CAST: variants seen among roughly 807,000 people sequenced by gnomAD.
CAST encodes MIR583 host.
CAST carries 76 observed loss-of-function variants against 119.6 expected under a neutral mutation model. That is an observed-to-expected ratio of 0.64 (90% CI 0.53 to 0.77). The LOEUF is 0.77. Among genes scored for constraint, CAST ranks in the 30% least tolerant of loss-of-function variants. The pLI, the probability that CAST is intolerant of heterozygous loss-of-function variation, is 0.00. For missense variants in CAST, 953 were observed against 946.5 expected (o/e 1.01, Z -0.09); for synonymous variants, 319 against 331.6 (o/e 0.96, Z 0.41).
the CAST span, among the ~76,000 whole-genome samples, chr5:96,453,003 T>C: frequency 6.8e-6 from 1 of 146,894 alleles, no homozygotes; most frequent in African/African-American, 2.6e-5. Flanking sequence ...AAAAATCCTG[T>C]CACAGAAATT....
At chr5:96,059,777 T>A in the CAST span, among the ~76,000 whole-genome samples, 1 of 152,118 alleles carries the variant, frequency 6.6e-6, no homozygotes, top group African/African-American at 2.4e-5. Context: ...TCTTGGCCTG[T>A]GGGGTGAGAG....
chr5:96,103,054 T>G, the CAST span, among the ~76,000 whole-genome samples: 3 of 152,110 alleles, frequency 2.0e-5, no homozygotes, highest in Non-Finnish European at 4.4e-5. Flanking sequence ...TGGATAAAGA[T>G]TCATGTCATA....
At chr5:96,498,168 T>C in the CAST span, among the ~76,000 whole-genome samples, 3 of 152,236 alleles carry the variant, frequency 2.0e-5, no homozygotes, top group African/African-American at 2.4e-5. Context: ...GATCAGATGG[T>C]TGTAGATATG....
the CAST span, among the ~76,000 whole-genome samples, chr5:96,299,277 AACAACAACAAC>A: frequency 2.7e-5 from 4 of 149,596 alleles, no homozygotes; most frequent in Non-Finnish European, 5.9e-5. Flanking sequence ...CAACAACAAC[AACAACAACAAC>A]AACAAACAAA....
At chr5:95,963,958 G>C in the CAST span, among the ~76,000 whole-genome samples, 6 of 152,042 alleles carry the variant, frequency 3.9e-5, no homozygotes, top group Non-Finnish European at 8.8e-5. Flanking sequence ...GATGGTTTTC[G>C]TTGTAGTTTT....
chr5:96,209,883 AG>A, the CAST span, among the ~76,000 whole-genome samples: 2 of 151,810 alleles, frequency 1.3e-5, no homozygotes, highest in Admixed American at 1.3e-4. Context: ...CTCTGTAGTA[AG>A]GTTGGGGAAA....
chr5:96,170,494 T>C, the CAST span, among the ~76,000 whole-genome samples: 1 of 152,216 alleles, frequency 6.6e-6, no homozygotes, highest in Non-Finnish European at 1.5e-5. Flanking sequence ...GCCTCAACTG[T>C]ATTATTGTAT....
the CAST span, among the ~76,000 whole-genome samples, chr5:96,338,203 C>G: frequency 9.2e-5 from 14 of 152,286 alleles, no homozygotes; most frequent in African/African-American, 3.1e-4. Context: ...AAACAACAAA[C>G]CTATTTTTAT....
the CAST span, chr5:96,422,018 A>T: frequency 1.3e-6 from 1 of 780,050 alleles, no homozygotes. Flanking sequence ...AAAAAAAAAA[A>T]AGCATCACTT....
At chr5:96,632,673 A>G (rs1385336469) in intron 1 of CAST, among the ~76,000 whole-genome samples, 2 of 151,150 alleles carry the variant, frequency 1.3e-5, no homozygotes, top group African/African-American at 4.9e-5. Context: ...TCTCAGCGCT[A>G]TTTGTCGAAA....
chr5:96,579,009 A>T (rs1746724149), intron 1 of CAST, among the ~76,000 whole-genome samples: 1 of 152,170 alleles, frequency 6.6e-6, no homozygotes, highest in African/African-American at 2.4e-5. Flanking sequence ...GCTTGAAGAA[A>T]GTGGAAGGGG....
chr5:96,468,142 G>T, the CAST span, among the ~76,000 whole-genome samples: 1 of 151,708 alleles, frequency 6.6e-6, no homozygotes, highest in Non-Finnish European at 1.5e-5. Context: ...AAAACCAAAT[G>T]CTGTATGTTC....
At chr5:96,228,116 C>T in the CAST span, among the ~76,000 whole-genome samples, 7 of 151,822 alleles carry the variant, frequency 4.6e-5, no homozygotes, top group South Asian at 2.1e-4. Context: ...TAGAGCTTAG[C>T]GGCCATCTTG....
At chr5:96,602,567 A>G (rs187992182) in intron 1 of CAST, among the ~76,000 whole-genome samples, 28 of 152,344 alleles carry the variant, frequency 1.8e-4, no homozygotes, top group African/African-American at 6.7e-4. Flanking sequence ...GCCTGGTCAC[A>G]TGGTGAAACC....
the CAST span, among the ~76,000 whole-genome samples, chr5:96,108,189 G>A: frequency 2.2e-4 from 31 of 139,686 alleles, no homozygotes; most frequent in African/African-American, 4.4e-4. Context: ...GTAGCTTGGA[G>A]TAATTTGATC....
the CAST span, among the ~76,000 whole-genome samples, chr5:96,107,358 G>C: frequency 6.6e-6 from 1 of 152,048 alleles, no homozygotes; most frequent in Non-Finnish European, 1.5e-5. Flanking sequence ...GCAGCGGCTG[G>C]TGCCAGTTGT....
At chr5:96,670,726 G>A (rs1468756470) in intron 1 of CAST, among the ~76,000 whole-genome samples, 1 of 152,244 alleles carries the variant, frequency 6.6e-6, no homozygotes, top group African/African-American at 2.4e-5. Context: ...TCGAACTCCT[G>A]ATCTCCTGAT....
At chr5:96,700,693 G>GT (rs1198767851) in intron 3 of CAST, among the ~76,000 whole-genome samples, 1 of 152,138 alleles carries the variant, frequency 6.6e-6, no homozygotes, top group Non-Finnish European at 1.5e-5. Flanking sequence ...AGATTCTCAG[G>GT]TTTGAAGCCA....
At chr5:96,465,872 C>T in the CAST span, among the ~76,000 whole-genome samples, 3 of 152,082 alleles carry the variant, frequency 2.0e-5, no homozygotes, top group African/African-American at 7.2e-5. Context: ...GGAATGGGCA[C>T]AGCCATATAT....
Sources: allele counts gnomAD v4.1 joint callset (sites outside exome capture counted in the v4.1 genomes callset), GRCh38; gene constraint gnomAD v4.1.1; transcripts MANE v1.5; gene names NCBI Gene and HGNC (gene_info 2026-07-23, HGNC 2026-07-21).